Variants in UGT3A1 observed in about 807,000 individuals in gnomAD.
UGT3A1 encodes UDP glycosyltransferase family 3 member A1.
A neutral mutation model predicts 37.6 loss-of-function variants in UGT3A1; 40 were observed. The ratio of observed to expected loss-of-function variants is 1.06; its 90% CI spans 0.83 to 1.38. The LOEUF (loss-of-function observed/expected upper bound fraction) is 1.38, where lower values mean the gene tolerates loss of function less well. Ranked by LOEUF, UGT3A1 falls within the 40% of genes most tolerant of loss-of-function variation. The pLI, the probability that UGT3A1 is intolerant of heterozygous loss-of-function variation, is 0.00. For missense variants in UGT3A1, 642 were observed against 634.2 expected, an observed-to-expected ratio of 1.01 and a Z score of -0.13; for synonymous variants, 256 against 232.3, an observed-to-expected ratio of 1.10 and a Z score of -0.93.
Position 35,951,008 on chromosome 5 carries a change from C to T in UGT3A1, c.*3194G>A, listed in dbSNP as rs898025966. On this transcript the variant is annotated 3_prime_UTR_variant, in exon 7 of 7. Transcript: ENST00000274278. The stretch of plus-strand genomic sequence containing the variant: ...CAATTACTCAATAGACTACAAGATT[C>T]GTTTGGAGTTCTTTTTTTTTTCTGT... 4.2e-4 allele frequency: 64 copies of T among 151,734 alleles called. No homozygotes were observed. Among genetic ancestry groups the T allele is most frequent in the African/African-American group, 1.5e-3 (63 of 41,322 alleles). The allele number at this position is 151,734 out of a possible 1,614,324, so 9.4% of individuals were successfully genotyped here.
chr5:35,965,481 T>A lies in UGT3A1; in HGVS notation c.748A>T (p.Asn250Tyr), dbSNP rs149225186. Residue 250 changes from asparagine to tyrosine, a missense_variant, in exon 4 of 7, where the codon AAC (asparagine) becomes TAC (tyrosine). By Grantham distance (143) the Asn-to-Tyr change is moderately radical (BLOSUM62 -2). Transcript: ENST00000274278. Reference sequence around the variant, plus strand: ...GCAAAATCAAAGGCAAAATCAGAGTTAACAAACCACAACTCTGCTTTCAGT... The same window carrying A: ...GCAAAATCAAAGGCAAAATCAGAGTAAACAAACCACAACTCTGCTTTCAGT... ...LLLKAELWFV[N>Y]SDFAFDFARP... The A allele has an allele frequency of 2.7e-3, 4,348 of 1,614,186 alleles. 13 individuals are homozygous for A. Among genetic ancestry groups the A allele is most frequent in the Non-Finnish European group, 3.0e-3 (3,524 of 1,180,032 alleles).
At chr5:35,980,987 T>C (rs192279186) in intron 2 of UGT3A1, among the ~76,000 whole-genome samples, 115 of 152,282 alleles carry the variant, frequency 7.6e-4, no homozygotes, top group African/African-American at 2.7e-3. Context: ...AAGTCAAAAC[T>C]GACCTGCTGG....
In UGT3A1 at chr5:35,955,716, G is replaced by A. The variant is rs1409219890; in HGVS notation, c.1224C>T (p.Val408=). 4 of 1,614,062 alleles carry A rather than the reference G, an allele frequency of 2.5e-6. No homozygotes were observed. In the African/African-American group the frequency reaches 4.0e-5, roughly 16 times the overall value. Residue 408 remains valine, a synonymous_variant, in exon 6 of 7, where the codon GTC becomes GTT. Transcript: ENST00000274278. ...MVRVVAKNYG[V]SIRLNQVTAD... ...CTGTGACCTGATTCAACCGGATAGA[G>A]ACACCATAATTTTTGGCTACTACTC...
At chr5:35,970,865 A>G (rs1228133102) in intron 2 of UGT3A1, among the ~76,000 whole-genome samples, 3 of 152,208 alleles carry the variant, frequency 2.0e-5, no homozygotes, top group African/African-American at 7.2e-5. Context: ...GCAAGAATTA[A>G]TGATGCCTCA....
At chr5:35,967,117 C>A (rs1222098350) in intron 3 of UGT3A1, among the ~76,000 whole-genome samples, 1 of 152,062 alleles carries the variant, frequency 6.6e-6, no homozygotes, top group Non-Finnish European at 1.5e-5. Context: ...GTATCTGGAA[C>A]CTGTCTTCAA....
chr5:35,991,311 G>A lies in UGT3A1; in HGVS notation c.-71C>T, dbSNP rs1740944558. On this transcript the variant is annotated 5_prime_UTR_variant, in exon 1 of 7. Transcript: ENST00000274278. Reference sequence around the variant, plus strand: ...CTGCGCCGGGCTAAGGACTCTGTGCGCGCCTCAGTACTCCAAAGGCACTGG... The same window carrying A: ...CTGCGCCGGGCTAAGGACTCTGTGCACGCCTCAGTACTCCAAAGGCACTGG... 3.1e-6 allele frequency: 5 copies of A among 1,601,522 alleles called. No individual in the cohort carries two copies. In the South Asian group the frequency reaches 3.4e-5, roughly 11 times the overall value.
chr5:35,984,920 T>C (rs910404272), intron 2 of UGT3A1, among the ~76,000 whole-genome samples: 2 of 152,040 alleles, frequency 1.3e-5, no homozygotes, highest in African/African-American at 4.8e-5. Context: ...CTTTTACTAA[T>C]GCTGCTTTAA....
rs1437956219 is a variant in UGT3A1, at chr5:35,954,406, C to G, written c.1368G>C (p.Val456=). The G allele has an allele frequency of 6.2e-7, 1 of 1,614,094 alleles. No homozygotes were observed. Among genetic ancestry groups the G allele is most frequent in the Non-Finnish European group, 8.5e-7 (1 of 1,180,046 alleles). ...SQPLSPAQRL[V]GWIDHILQTG... ...TCTGGAGGATGTGGTCGATCCAGCC[C>G]ACCAGCCGCTGTGCGGGGCTCAGGG... Residue 456 remains valine, a synonymous_variant, in exon 7 of 7, where the codon GTG becomes GTC. Coordinates refer to ENST00000274278, the MANE Select transcript of UGT3A1 (RefSeq NM_152404.4).
chr5:36,000,136 C>T (rs1741188273), intron 1 of UGT3A1, among the ~76,000 whole-genome samples: 1 of 152,200 alleles, frequency 6.6e-6, no homozygotes, highest in Non-Finnish European at 1.5e-5. Context: ...ATTTCACCTC[C>T]CCTGGCCCAA....
chr5:35,957,038 G>A (rs545851568), intron 5 of UGT3A1, 150 bp downstream of exon 5: 11 of 628,290 alleles, frequency 1.8e-5, no homozygotes, highest in African/African-American at 9.2e-5. Context: ...AATTCCAGCT[G>A]GCTGTTCTTT....
rs1739254766 is a variant in UGT3A1, at chr5:35,953,961, AGGCAG to A, written c.*236_*240del. ...TGTCTAGGAAAAGGGAGAAAGGAGGAGGCAGGGCTGGCAGGTGAAAATTTGTATCT... is the reference window on the plus strand; with the variant it reads ...TGTCTAGGAAAAGGGAGAAAGGAGGAGGCTGGCAGGTGAAAATTTGTATCT... On this transcript the variant is annotated 3_prime_UTR_variant, in exon 7 of 7. Transcript: ENST00000274278. 5 of 482,904 alleles carry A rather than the reference AGGCAG, an allele frequency of 1.0e-5. No individual in the cohort carries two copies. In the East Asian group the frequency reaches 1.6e-4, roughly 16 times the overall value. 29.9% of individuals were successfully genotyped at this position (482,904 alleles called of 1,614,324 possible).
At chr5:35,980,243 C>T (rs988698747) in intron 2 of UGT3A1, among the ~76,000 whole-genome samples, 2 of 152,168 alleles carry the variant, frequency 1.3e-5, no homozygotes, top group South Asian at 2.1e-4. Flanking sequence ...CTACTTTAAA[C>T]AACTAAAAAT....
intron 4 of UGT3A1, among the ~76,000 whole-genome samples, chr5:35,959,515 T>A (rs1248480112): frequency 6.6e-6 from 1 of 152,092 alleles, no homozygotes; most frequent in African/African-American, 2.4e-5. Flanking sequence ...AGCTTTCAAT[T>A]TAAAACAGGA....
At chr5:35,957,989 G>A (rs548582198) in intron 4 of UGT3A1, among the ~76,000 whole-genome samples, 1 of 152,272 alleles carries the variant, frequency 6.6e-6, no homozygotes, top group Admixed American at 6.5e-5. Flanking sequence ...AGCTATTGCT[G>A]TAGTAATGTC....
At position 35,957,231 on chromosome 5, in the gene UGT3A1, T is replaced by C; in HGVS notation, c.1032A>G (p.Thr344=). 1 of 1,614,180 alleles carries C rather than the reference T, an allele frequency of 6.2e-7. No individual in the cohort carries two copies. Residue 344 remains threonine (T), a synonymous_variant, in exon 5 of 7, where the codon ACA becomes ACG. Transcript: ENST00000274278. ...SHWPRDVHLA[T]NVKIVDWLPQ... Reference sequence around the variant, plus strand: ...GAAGCCAGTCCACAATTTTCACATTTGTGGCCAAATGAACATCTCTGGGCC... The same window carrying C: ...GAAGCCAGTCCACAATTTTCACATTCGTGGCCAAATGAACATCTCTGGGCC...
intron 2 of UGT3A1, among the ~76,000 whole-genome samples, chr5:35,976,078 C>T (rs1326118690): frequency 2.0e-5 from 3 of 152,094 alleles, no homozygotes; most frequent in Non-Finnish European, 4.4e-5. Flanking sequence ...TTCCTGCAGC[C>T]TTATGCTCTT....
At chr5:35,985,603 A>G (rs1285230190) in intron 2 of UGT3A1, among the ~76,000 whole-genome samples, 2 of 152,356 alleles carry the variant, frequency 1.3e-5, no homozygotes, top group South Asian at 2.1e-4. Context: ...TATAATGAGG[A>G]AAGGACAGTC....
At position 35,953,147 on chromosome 5, in the gene UGT3A1, T is replaced by A. The variant is rs1205523881; in HGVS notation, c.*1055A>T. 6.6e-6 allele frequency: 1 copy of A among 152,206 alleles called. No individual in the cohort carries two copies. The highest frequency in any genetic ancestry group is 2.4e-5 in the African/African-American group (1 of 41,422). The allele number at this position is 152,206 out of a possible 1,614,324, so 9.4% of individuals were successfully genotyped here. Reference sequence around the variant, plus strand: ...TTTTATTTCAGAACTCTAAAGCAAATAAAAAGGTACAATCATTTGAAGGTA... The same window carrying A: ...TTTTATTTCAGAACTCTAAAGCAAAAAAAAAGGTACAATCATTTGAAGGTA... On this transcript the variant is annotated 3_prime_UTR_variant, in exon 7 of 7. Coordinates refer to ENST00000274278, the MANE Select transcript of UGT3A1 (RefSeq NM_152404.4).
chr5:35,959,709 C>T (rs767674851), intron 4 of UGT3A1, among the ~76,000 whole-genome samples: 23 of 150,942 alleles, frequency 1.5e-4, no homozygotes, highest in Non-Finnish European at 2.5e-4. Context: ...ATGTGCACTA[C>T]GAGAGAAAAT....
Sources: gnomAD v4.1 joint callset for allele counts (sites outside exome capture counted in the v4.1 genomes callset) on GRCh38, gnomAD v4.1.1 for gene constraint, MANE v1.5 for transcripts, NCBI Gene and HGNC (gene_info 2026-07-23, HGNC 2026-07-21) for gene names.